Variants in DLEC1 observed in about 807,000 individuals in gnomAD.
The protein encoded by DLEC1 is DLEC1 cilia and flagella associated protein.
Under a neutral mutation model 198.1 loss-of-function variants are expected in DLEC1, and 146 were observed. The ratio of observed to expected loss-of-function variants is 0.74; its 90% CI spans 0.64 to 0.85. The LOEUF (loss-of-function observed/expected upper bound fraction) is 0.85, where lower values mean the gene tolerates loss of function less well. DLEC1 is among the 40% of genes least tolerant of loss of function. DLEC1 has a pLI of 0.00. For missense variants in DLEC1, 2,233 were observed against 2,220.0 expected, an observed-to-expected ratio of 1.01 and a Z score of -0.12; for synonymous variants, 897 against 866.8, an observed-to-expected ratio of 1.03 and a Z score of -0.61.
chr3:38,096,865 G>C, intron 15 of DLEC1, 128 bp downstream of exon 15: 1 of 1,178,250 alleles, frequency 8.5e-7, no homozygotes. Context: ...CCATTCCCAG[G>C]GCTTTGAACC....
intron 19 of DLEC1, among the ~76,000 whole-genome samples, chr3:38,101,609 G>C (rs1398960561): frequency 1.3e-5 from 2 of 152,066 alleles, no homozygotes; most frequent in African/African-American, 4.8e-5. Context: ...CTCTGTGGAT[G>C]CTCTTGAATT....
intron 1 of DLEC1, 97 bp downstream of exon 1, chr3:38,039,733 C>T: frequency 6.8e-7 from 1 of 1,466,968 alleles, no homozygotes; most frequent in South Asian, 1.4e-5. Flanking sequence ...GTTCCAGGAT[C>T]TGGGGCTGCA....
Position 38,093,707 on chromosome 3 carries a change from G to A in DLEC1, c.1859G>A (p.Arg620Gln), listed in dbSNP as rs747150027. ...LTDLTAQHFI[R>Q]FEPENLRSTA... is the part of the protein sequence containing the mutation. ...GACTTAACAGCCCAGCACTTCATAC[G>A]ATTTGAGCCTGAAAACCTTCGGTCC... Residue 620 changes from arginine to glutamine, a missense_variant, in exon 12 of 37, where the codon CGA (arginine) becomes CAA (glutamine). Transcript: ENST00000308059. 2.6e-5 allele frequency: 42 copies of A among 1,614,096 alleles called. 1 individual carries two copies. In the South Asian group the frequency reaches 4.3e-4, roughly 16 times the overall value.
In DLEC1 at chr3:38,116,048, T is replaced by C. The variant is rs985326186; in HGVS notation, c.3857-405T>C. On this transcript the variant is annotated intron_variant, in intron 27 of 36. Transcript: ENST00000308059. ...GGACATGGCGGCCCCCAAAGACTAGTCTGCCTGGGGAAGGACGTGAAAGCT... is the reference window on the plus strand; with the variant it reads ...GGACATGGCGGCCCCCAAAGACTAGCCTGCCTGGGGAAGGACGTGAAAGCT... Among the ~76,000 whole-genome samples, 57 of 152,010 alleles carry C rather than the reference T, an allele frequency of 3.7e-4. 1 individual carries two copies. Among genetic ancestry groups the C allele is most frequent in the Admixed American group, 1.6e-3 (24 of 15,272 alleles).
intron 6 of DLEC1, among the ~76,000 whole-genome samples, chr3:38,076,287 G>A (rs62240699): frequency 0.032 from 3,908 of 123,314 alleles, no homozygotes; most frequent in African/African-American, 0.065. Flanking sequence ...GTCGTAGGTG[G>A]TTTCATGTGC....
intron 14 of DLEC1, 76 bp from the exon 15 acceptor site, chr3:38,096,493 T>G: frequency 1.3e-6 from 2 of 1,502,702 alleles, no homozygotes; most frequent in Non-Finnish European, 1.8e-6. Context: ...AGGCCAAACG[T>G]GGGACAGAGG....
At position 38,111,738 on chromosome 3, in the gene DLEC1, G is replaced by C; in HGVS notation, c.3505G>C (p.Glu1169Gln). 6.2e-7 allele frequency: 1 copy of C among 1,612,082 alleles called. No homozygotes were observed. The highest frequency in any genetic ancestry group is 8.5e-7 in the Non-Finnish European group (1 of 1,179,770). Residue 1169 changes from glutamate (E) to glutamine (Q), a missense_variant, in exon 24 of 37, where the codon GAG (glutamate) becomes CAG (glutamine). Glu to Gln is a conservative substitution (Grantham distance 29). Transcript: ENST00000308059. ...GATGCAAGAGCACCTGGCCAAGCGA[G>C]AGCAGCTGGGTAAGCGCCACCAGGG... ...VRMQEHLAKR[E>Q]QLDFMESMLS...
chr3:38,078,487 AGTT>A (rs1009801834), intron 6 of DLEC1, among the ~76,000 whole-genome samples: 3 of 152,104 alleles, frequency 2.0e-5, no homozygotes, highest in Non-Finnish European at 2.9e-5. Context: ...GAAGGAAAGG[AGTT>A]GTTGTTTTGT....
At position 38,097,555 on chromosome 3, in the gene DLEC1, C is replaced by G. The variant is rs775229225; in HGVS notation, c.2483C>G (p.Pro828Arg). Residue 828 changes from proline (P) to arginine (R), a missense_variant, in exon 17 of 37, where the codon CCT (proline) becomes CGT (arginine). By Grantham distance (103) the Pro-to-Arg change is moderately radical. Coordinates refer to ENST00000308059, the MANE Select transcript of DLEC1 (RefSeq NM_007335.4). ...DFELNFTGGVPGPTSQDLLCE... is the reference protein window; with the variant it reads ...DFELNFTGGVRGPTSQDLLCE... Reference sequence around the variant, plus strand: ...GAGTTGAACTTTACTGGGGGTGTCCCTGGCCCCACAAGCCAGGACCTGCTG... The same window carrying G: ...GAGTTGAACTTTACTGGGGGTGTCCGTGGCCCCACAAGCCAGGACCTGCTG... 1.9e-6 allele frequency: 3 copies of G among 1,614,210 alleles called. No homozygotes were observed. The highest frequency in any genetic ancestry group is 1.6e-4 in the Middle Eastern group (1 of 6,062).
chr3:38,068,483 G>C (rs534378441), intron 6 of DLEC1, among the ~76,000 whole-genome samples: 1 of 152,150 alleles, frequency 6.6e-6, no homozygotes, highest in Non-Finnish European at 1.5e-5. Context: ...CACCCGCCTC[G>C]GCTTCCTAAA....
chr3:38,043,525 ACTT>A (rs759455836), intron 1 of DLEC1, among the ~76,000 whole-genome samples: 5 of 152,174 alleles, frequency 3.3e-5, no homozygotes, highest in African/African-American at 9.7e-5. Context: ...AGATTTAGTT[ACTT>A]CTTCTTAGCC....
At chr3:38,071,579 G>A (rs984390130) in intron 6 of DLEC1, among the ~76,000 whole-genome samples, 3 of 152,372 alleles carry the variant, frequency 2.0e-5, no homozygotes, top group African/African-American at 7.2e-5. Flanking sequence ...TGACCGATGT[G>A]AAGGAGAAAA....
chr3:38,079,259 C>T (rs1163666292), intron 6 of DLEC1, among the ~76,000 whole-genome samples: 13 of 152,104 alleles, frequency 8.5e-5, no homozygotes, highest in African/African-American at 3.1e-4. Context: ...AATAAGGGAA[C>T]TGGGCAGGTG....
chr3:38,115,222 C>T (rs1700093124), intron 27 of DLEC1, among the ~76,000 whole-genome samples, 169 bp downstream of exon 27: 1 of 152,220 alleles, frequency 6.6e-6, no homozygotes. Context: ...GCCCTGCTCT[C>T]ATCAGGGTTG....
chr3:38,122,866 C>T lies in DLEC1; in HGVS notation c.*454C>T. On this transcript the variant is annotated 3_prime_UTR_variant, in exon 37 of 37. Coordinates refer to ENST00000308059, the MANE Select transcript of DLEC1 (RefSeq NM_007335.4). ...GTCTGATGGGTGGCTCAACACCCCA[C>T]CCACTCCTATACCATGTCATCAGTG... The T allele has an allele frequency of 1.3e-6, 1 of 783,838 alleles. No individual in the cohort carries two copies. Among genetic ancestry groups the T allele is most frequent in the Non-Finnish European group, 2.0e-6 (1 of 501,450 alleles). 48.6% of individuals were successfully genotyped at this position (783,838 alleles called of 1,614,324 possible).
rs879092617 is a variant in DLEC1 at position 38,096,729 on chromosome 3, G to T, written c.2332G>T (p.Ala778Ser). The T allele has an allele frequency of 1.2e-6, 2 of 1,608,902 alleles. No individual in the cohort carries two copies. Among genetic ancestry groups the T allele is most frequent in the Admixed American group, 1.7e-5 (1 of 59,322 alleles). Residue 778 changes from alanine to serine, a missense_variant, in exon 15 of 37, where the codon GCT (alanine) becomes TCT (serine). Transcript: ENST00000308059. ...ENYIGINVKK[A>S]FKMWNNSKSP... ...CTACATTGGGATAAATGTGAAGAAG[G>T]CTTTTAAGGTAGGTCATTGTCTCTC...
In DLEC1 at chr3:38,112,334, C is replaced by T. The variant is rs1250010973; in HGVS notation, c.3639C>T (p.Gly1213=). 7.4e-6 allele frequency: 12 copies of T among 1,613,950 alleles called. No individual in the cohort carries two copies. The highest frequency in any genetic ancestry group is 2.2e-5 in the East Asian group (1 of 44,892). Residue 1213 remains glycine, a synonymous_variant, in exon 25 of 37, where the codon GGC becomes GGT. Transcript: ENST00000308059. This position sits in a 1 kb window ranked among gnomAD's most constrained non-coding sequence, Gnocchi z 4.8. ...TCACAGGCTGTGCCAACATGTGGGG[C>T]GAGTACTGGGACAACCTCATCTGCA... ...IDITGCANMW[G]EYWDNLICTV...
chr3:38,049,739 A>G (rs573482591), intron 2 of DLEC1, among the ~76,000 whole-genome samples: 32 of 152,374 alleles, frequency 2.1e-4, no homozygotes, highest in Middle Eastern at 3.4e-3. Flanking sequence ...GAATTGTATC[A>G]GAAGAGAGAG....
In DLEC1 at chr3:38,121,430, C is replaced by T. The variant is rs80061186; in HGVS notation, c.4867-198C>T. Reference sequence around the variant, plus strand: ...GGGACAGCGGGGGAATGGATGGCATCACCCTGGCCCTTTCCCTGTGCAGAC... The same window carrying T: ...GGGACAGCGGGGGAATGGATGGCATTACCCTGGCCCTTTCCCTGTGCAGAC... On this transcript the variant is annotated intron_variant, in intron 34 of 36. Coordinates refer to ENST00000308059, the MANE Select transcript of DLEC1 (RefSeq NM_007335.4). Among the ~76,000 whole-genome samples, 637 of 152,308 alleles carry T rather than the reference C, an allele frequency of 4.2e-3. 9 individuals are homozygous for T. Among genetic ancestry groups the T allele is most frequent in the African/African-American group, 0.015 (614 of 41,570 alleles).
Sources: gnomAD v4.1 joint callset for allele counts (sites outside exome capture counted in the v4.1 genomes callset) on GRCh38, gnomAD v4.1.1 for gene constraint, Gnocchi (gnomAD v3.1) non-coding constraint, MANE v1.5 for transcripts, NCBI Gene and HGNC (gene_info 2026-07-23, HGNC 2026-07-21) for gene names.